The following ONECUT3 variants were observed in gnomAD, a reference collection of about 807,000 sequenced individuals.
ONECUT3 encodes one cut domain family member 3.
In ONECUT3, 11 loss-of-function variants were observed where a neutral mutation model predicts 16.8. That is an observed-to-expected ratio of 0.66 (90% CI 0.41 to 1.09). The LOEUF (loss-of-function observed/expected upper bound fraction) is 1.09. Ranked by LOEUF, ONECUT3 falls within the 50% of genes least tolerant of loss-of-function variation. ONECUT3 has a pLI of 0.00. For synonymous variants in ONECUT3, 344 were observed against 310.7 expected (o/e 1.11, Z -1.13); for missense variants, 637 against 629.9 (o/e 1.01, Z -0.12).
At chr19:1,761,316 G>C (rs1356574322) in intron 1 of ONECUT3, among the ~76,000 whole-genome samples, 1 of 152,086 alleles carries the variant, frequency 6.6e-6, no homozygotes, top group Non-Finnish European at 1.5e-5. Context: ...GCCACCCAAA[G>C]TGCTGGGATG....
intron 1 of ONECUT3, among the ~76,000 whole-genome samples, chr19:1,765,090 G>T (rs932960471): frequency 6.6e-6 from 1 of 152,114 alleles, no homozygotes; most frequent in Admixed American, 6.5e-5. Context: ...GGGCACAGAG[G>T]GACATGGGAT....
At chr19:1,769,126 G>A (rs955334679) in intron 1 of ONECUT3, among the ~76,000 whole-genome samples, 7 of 150,836 alleles carry the variant, frequency 4.6e-5, no homozygotes, top group African/African-American at 1.7e-4. Flanking sequence ...TGGAGGTGAT[G>A]GAGATGGAGG....
At chr19:1,768,518 A>C (rs562482177) in intron 1 of ONECUT3, among the ~76,000 whole-genome samples, 297 of 151,974 alleles carry the variant, frequency 2.0e-3, no homozygotes, top group African/African-American at 6.9e-3. Flanking sequence ...AGGGAATGGG[A>C]CTCGCCTGGG....
At position 1,754,476 on chromosome 19, in the gene ONECUT3, A is replaced by G. The variant is rs2067906001; in HGVS notation, c.814A>G (p.Ser272Gly). 3 of 982,300 alleles carry G rather than the reference A, an allele frequency of 3.1e-6. No homozygotes were observed. The South Asian group carries it at 1.4e-4, about 45-fold the overall frequency. The allele number at this position is 982,300 out of a possible 1,614,324, so 60.8% of individuals were successfully genotyped here. Residue 272 changes from serine (S) to glycine (G), a missense_variant, in exon 1 of 2, where the codon AGC becomes GGC. Ser to Gly is a moderately conservative substitution (Grantham distance 56, BLOSUM62 0). This residue lies in a region of ONECUT3 where 419 missense variants were observed against 377.9 expected (regional missense o/e 1.11). Transcript: ENST00000382349. The surrounding 1 kb of genome is among the most constrained non-coding windows in gnomAD (Gnocchi z 7.4). ...GLPGGGGGTGSGGAGSGSAAG... is the reference protein window; with the variant it reads ...GLPGGGGGTGGGGAGSGSAAG... Reference sequence around the variant, plus strand: ...GCCCGGAGGCGGCGGCGGCACAGGCAGCGGCGGAGCGGGCAGCGGGAGCGC... The same window carrying G: ...GCCCGGAGGCGGCGGCGGCACAGGCGGCGGCGGAGCGGGCAGCGGGAGCGC...
chr19:1,770,660 G>A (rs1344092208), intron 1 of ONECUT3, among the ~76,000 whole-genome samples: 1 of 152,304 alleles, frequency 6.6e-6, no homozygotes, highest in Non-Finnish European at 1.5e-5. Context: ...GAATTTCAAG[G>A]CCCCGGTTGA....
Position 1,758,137 on chromosome 19 carries a change from GGAGGGGGAGACGGGGAGATGGAGAGA to G in ONECUT3, c.1192+3289_1192+3314del, listed in dbSNP as rs1444952025. ...AAGACCCGCAGGTGCAGACGGAGAG[GGAGGGGGAGACGGGGAGATGGAGAGA>G]GAGGGAGGGGTCGCGAGACAAAACC... is the stretch of plus-strand genomic sequence containing the variant. On this transcript the variant is annotated intron_variant, in intron 1 of 1. Transcript: ENST00000382349. This position sits in a 1 kb window ranked among gnomAD's most constrained non-coding sequence, Gnocchi z 5.9. Among the ~76,000 whole-genome samples, 2 of 152,118 alleles carry G rather than the reference GGAGGGGGAGACGGGGAGATGGAGAGA, an allele frequency of 1.3e-5. No homozygotes were observed. The highest frequency in any genetic ancestry group is 2.1e-4 in the South Asian group (1 of 4,818).
rs1404357599 is a variant in ONECUT3 at position 1,755,490 on chromosome 19, G to T, written c.1192+636G>T. ...CGCTGGCAAAGGTCACCCGAGAATG[G>T]CGGGGGAGGGGCGGCCCCGGGGACC... On this transcript the variant is annotated intron_variant, in intron 1 of 1. Transcript: ENST00000382349. The surrounding 1 kb of genome is among the most constrained non-coding windows in gnomAD (Gnocchi z 7.5). Among the ~76,000 whole-genome samples the T allele has an allele frequency of 1.3e-5, 2 of 152,016 alleles. No homozygotes were observed. Among genetic ancestry groups the T allele is most frequent in the Admixed American group, 6.5e-5 (1 of 15,282 alleles).
intron 1 of ONECUT3, among the ~76,000 whole-genome samples, chr19:1,772,924 T>C (rs948533376): frequency 2.7e-5 from 4 of 149,110 alleles, no homozygotes; most frequent in South Asian, 4.3e-4. Context: ...AGGATGGTCT[T>C]GATCTCCTGA....
intron 1 of ONECUT3, among the ~76,000 whole-genome samples, chr19:1,761,424 C>T (rs1409570345): frequency 6.6e-6 from 1 of 151,024 alleles, no homozygotes; most frequent in Non-Finnish European, 1.5e-5. Flanking sequence ...GGTTGGCACC[C>T]CGGGTTGGCA....
chr19:1,769,021 AGTGGAG>A (rs1300696369), intron 1 of ONECUT3, among the ~76,000 whole-genome samples: 1 of 11,656 alleles, frequency 8.6e-5, no homozygotes, highest in Non-Finnish European at 1.6e-4. Flanking sequence ...TGGAGGTGGA[AGTGGAG>A]GTGGAGGTGA....
chr19:1,777,908 T>G lies in ONECUT3; in HGVS notation c.*2463T>G, dbSNP rs2068124840. 6.9e-6 allele frequency: 1 copy of G among 145,728 alleles called. No individual in the cohort carries two copies. Among genetic ancestry groups the G allele is most frequent in the South Asian group, 2.2e-4 (1 of 4,542 alleles). The allele number at this position is 145,728 out of a possible 1,614,324, so 9.0% of individuals were successfully genotyped here. A position where few individuals can be genotyped will look rare whatever the true frequency, so the allele number is the denominator to read the frequency against. ...CACCTGGGAGGCTGAGGCAGGAGAA[T>G]CTCTTGAAACTGGAAGGCAGAGGTT... On this transcript the variant is annotated 3_prime_UTR_variant, in exon 2 of 2. Coordinates refer to ENST00000382349, the MANE Select transcript of ONECUT3 (RefSeq NM_001080488.2).
rs1305347003 is a variant in ONECUT3 at position 1,776,516 on chromosome 19, A to G, written c.*1071A>G. On this transcript the variant is annotated 3_prime_UTR_variant, in exon 2 of 2. Transcript: ENST00000382349. The surrounding 1 kb of genome is among the most constrained non-coding windows in gnomAD (Gnocchi z 4.9). The stretch of plus-strand genomic sequence containing the variant: ...GGGGTTGAACGTGGTGTTGGTTTCC[A>G]CTCTCGCCAAAGAGAGAAGACGCCG... The G allele has an allele frequency of 6.6e-6, 1 of 151,542 alleles. No individual in the cohort carries two copies. Among genetic ancestry groups the G allele is most frequent in the Non-Finnish European group, 1.5e-5 (1 of 67,888 alleles). 9.4% of individuals were successfully genotyped at this position (151,542 alleles called of 1,614,324 possible). A position where few individuals can be genotyped will look rare whatever the true frequency, so the allele number is the denominator to read the frequency against.
rs1211110894 is a variant in ONECUT3, at chr19:1,777,480, A to C, written c.*2035A>C. On this transcript the variant is annotated 3_prime_UTR_variant, in exon 2 of 2. Coordinates refer to ENST00000382349, the MANE Select transcript of ONECUT3 (RefSeq NM_001080488.2). Reference sequence around the variant, plus strand: ...CACACATGCAGATACACATGCACACACACATACACACACTGGCCCCTGTTT... The same window carrying C: ...CACACATGCAGATACACATGCACACCCACATACACACACTGGCCCCTGTTT... 1.4e-5 allele frequency: 2 copies of C among 144,968 alleles called. No individual in the cohort carries two copies. Among genetic ancestry groups the C allele is most frequent in the Non-Finnish European group, 3.0e-5 (2 of 66,018 alleles). 9.0% of individuals were successfully genotyped at this position (144,968 alleles called of 1,614,324 possible).
chr19:1,775,074 T>C (rs1424834172), intron 1 of ONECUT3, 79 bp from the exon 2 acceptor site: 41 of 915,424 alleles, frequency 4.5e-5, no homozygotes, highest in Middle Eastern at 3.5e-4. Context: ...CCGGGCGGCG[T>C]GCGCCTCCTG....
Position 1,764,675 on chromosome 19 carries a change from T to G in ONECUT3, c.1192+9821T>G, listed in dbSNP as rs1212023453. Among the ~76,000 whole-genome samples the G allele has an allele frequency of 6.6e-6, 1 of 152,032 alleles. No homozygotes were observed. Among genetic ancestry groups the G allele is most frequent in the Admixed American group, 6.5e-5 (1 of 15,272 alleles). On this transcript the variant is annotated intron_variant, in intron 1 of 1. Coordinates refer to ENST00000382349, the MANE Select transcript of ONECUT3 (RefSeq NM_001080488.2). This position sits in a 1 kb window ranked among gnomAD's most constrained non-coding sequence, Gnocchi z 5.0. Reference sequence around the variant, plus strand: ...TGCCTCCCACCCATGGGAATCAATTTTCCAGCTCCCCGAGGGGTGCAGGGT... The same window carrying G: ...TGCCTCCCACCCATGGGAATCAATTGTCCAGCTCCCCGAGGGGTGCAGGGT...
At chr19:1,767,787 G>A (rs776559128) in intron 1 of ONECUT3, among the ~76,000 whole-genome samples, 1 of 152,228 alleles carries the variant, frequency 6.6e-6, no homozygotes, top group Non-Finnish European at 1.5e-5. Flanking sequence ...GCCCTGGGGC[G>A]GGAGGCTGGA....
At chr19:1,761,778 C>A (rs1600341802) in intron 1 of ONECUT3, among the ~76,000 whole-genome samples, 1 of 152,304 alleles carries the variant, frequency 6.6e-6, no homozygotes, top group South Asian at 2.1e-4. Flanking sequence ...CTTGGGACAC[C>A]TACGGCCTCA....
chr19:1,756,695 A>G (rs1267131452), intron 1 of ONECUT3, among the ~76,000 whole-genome samples: 1 of 101,150 alleles, frequency 9.9e-6, no homozygotes, highest in Admixed American at 1.2e-4. Context: ...ACGCCTGGCT[A>G]TTTTTTTTTT....
chr19:1,760,505 C>A (rs1365045713), intron 1 of ONECUT3, among the ~76,000 whole-genome samples: 2 of 152,120 alleles, frequency 1.3e-5, no homozygotes, highest in Non-Finnish European at 2.9e-5. Flanking sequence ...CCAGTTCCAC[C>A]TCCCCACCCC....
Sources: gnomAD v4.1 joint callset for allele counts (sites outside exome capture counted in the v4.1 genomes callset) on GRCh38, gnomAD v4.1.1 for gene constraint, gnomAD v4.1.1 regional missense constraint, Gnocchi (gnomAD v3.1) non-coding constraint, MANE v1.5 for transcripts, NCBI Gene and HGNC (gene_info 2026-07-23, HGNC 2026-07-21) for gene names.